RARB: variants seen among roughly 807,000 people sequenced by gnomAD.
RARB encodes retinoic acid receptor beta.
In RARB, 17 loss-of-function variants were observed where a neutral mutation model predicts 51.9. That is an observed-to-expected ratio of 0.33 (90% CI 0.22 to 0.49). The LOEUF (loss-of-function observed/expected upper bound fraction) is 0.49, where lower values mean the gene tolerates loss of function less well. Ranked by LOEUF, RARB falls within the 20% of genes least tolerant of loss-of-function variation. RARB has a pLI of 0.99. For missense variants in RARB, 369 were observed against 550.8 expected, an observed-to-expected ratio of 0.67 and a Z score of 3.30; for synonymous variants, 215 against 195.4, an observed-to-expected ratio of 1.10 and a Z score of -0.84.
chr3:25,229,426 C>G (rs573776146), intron 5 of RARB, among the ~76,000 whole-genome samples: 1 of 152,042 alleles, frequency 6.6e-6, no homozygotes, highest in South Asian at 2.1e-4. Context: ...CTCAAATTGA[C>G]GGTAGGCAGT....
At chr3:25,303,904 A>G (rs192860049) in intron 5 of RARB, among the ~76,000 whole-genome samples, 2 of 152,278 alleles carry the variant, frequency 1.3e-5, no homozygotes, top group East Asian at 3.9e-4. Context: ...CACAGGTTTA[A>G]TGAGGCTTGT....
chr3:25,227,527 C>T (rs369050907), intron 5 of RARB, among the ~76,000 whole-genome samples: 14 of 152,038 alleles, frequency 9.2e-5, no homozygotes, highest in East Asian at 7.7e-4. Flanking sequence ...TATATTGGTA[C>T]ATAAAATTCC....
At chr3:25,529,391 T>A (rs1698798895) in intron 3 of RARB, among the ~76,000 whole-genome samples, 1 of 151,684 alleles carries the variant, frequency 6.6e-6, no homozygotes, top group South Asian at 2.1e-4. Flanking sequence ...AAAACATGGA[T>A]GAGGCTTAGG....
At chr3:25,307,246 G>T (rs538243598) in intron 5 of RARB, among the ~76,000 whole-genome samples, 1 of 152,068 alleles carries the variant, frequency 6.6e-6, no homozygotes, top group Admixed American at 6.6e-5. Context: ...AATTAGCCGG[G>T]TGTGGTGGTG....
At chr3:25,062,832 T>C (rs905281793) in intron 3 of RARB, among the ~76,000 whole-genome samples, 3 of 151,976 alleles carry the variant, frequency 2.0e-5, no homozygotes, top group African/African-American at 4.8e-5. Context: ...TAAAATGTTA[T>C]CAAATTAGAC....
chr3:25,395,674 A>G (rs965093258), intron 5 of RARB, among the ~76,000 whole-genome samples: 28 of 152,122 alleles, frequency 1.8e-4, no homozygotes, highest in Non-Finnish European at 2.5e-4. Context: ...TCTTTCTTCT[A>G]CTTGTTCAAC....
chr3:25,467,060 C>A (rs1695465166), intron 2 of RARB, among the ~76,000 whole-genome samples: 1 of 152,194 alleles, frequency 6.6e-6, no homozygotes, highest in Admixed American at 6.5e-5. Flanking sequence ...GGCTCTGTGG[C>A]TTAGAAGCTT....
chr3:25,073,403 G>T (rs1196849612), intron 3 of RARB, among the ~76,000 whole-genome samples: 1 of 152,146 alleles, frequency 6.6e-6, no homozygotes, highest in Non-Finnish European at 1.5e-5. Context: ...GTTGTCCCAA[G>T]GATGCACCTC....
chr3:24,958,282 T>G (rs1309927129), intron 2 of RARB, among the ~76,000 whole-genome samples: 3 of 142,320 alleles, frequency 2.1e-5, no homozygotes, highest in Non-Finnish European at 4.5e-5. Context: ...TTTTTTTTTT[T>G]TTTTTTTAGC....
At chr3:25,345,824 T>C (rs1403724934) in intron 5 of RARB, 1 of 770,754 alleles carries the variant, frequency 1.3e-6, no homozygotes, top group Non-Finnish European at 1.6e-6. Context: ...TATCAGTTAA[T>C]TTTTGCTACC....
At chr3:25,040,997 C>A (rs535200989) in intron 2 of RARB, among the ~76,000 whole-genome samples, 1 of 152,100 alleles carries the variant, frequency 6.6e-6, no homozygotes, top group African/African-American at 2.4e-5. Flanking sequence ...GGAAATCCAC[C>A]ACAGTCTCTG....
chr3:25,102,928 G>GTAA (rs1357759655), intron 3 of RARB, among the ~76,000 whole-genome samples: 7 of 152,138 alleles, frequency 4.6e-5, no homozygotes, highest in African/African-American at 1.7e-4. Flanking sequence ...ATGCATGCCT[G>GTAA]TAATCCCAGC....
At position 25,029,071 on chromosome 3, in the gene RARB, T is replaced by C. The variant is rs537576831; in HGVS notation, c.-379-31054T>C. ...GGAGCTTACCCTCAGACAGGCTTCC[T>C]GGCAAAATCCTGGCTGCCATATGCA... On this transcript the variant is annotated intron_variant, in intron 2 of 11. Transcript: ENST00000383772. Among the ~76,000 whole-genome samples the C allele has an allele frequency of 2.6e-5, 4 of 152,338 alleles. No individual in the cohort carries two copies. The South Asian group carries it at 6.2e-4, about 24-fold the overall frequency.
chr3:25,011,702 T>C (rs1697397626), intron 2 of RARB, among the ~76,000 whole-genome samples: 1 of 152,134 alleles, frequency 6.6e-6, no homozygotes, highest in Non-Finnish European at 1.5e-5. Context: ...ATACCTACTC[T>C]GGCAATTACT....
chr3:25,362,456 T>G (rs532509229), intron 5 of RARB, among the ~76,000 whole-genome samples: 1 of 152,302 alleles, frequency 6.6e-6, no homozygotes, highest in Admixed American at 6.5e-5. Flanking sequence ...GCTCCCTGGC[T>G]TCAGCCCCCT....
intron 5 of RARB, among the ~76,000 whole-genome samples, chr3:25,255,354 C>G (rs1425190345): frequency 6.6e-6 from 1 of 152,140 alleles, no homozygotes; most frequent in Non-Finnish European, 1.5e-5. Context: ...AAAACAATTT[C>G]CCTCATACCT....
In RARB at chr3:24,838,185, C is replaced by A. The variant is rs186381849; in HGVS notation, c.-459+8782C>A. Among the ~76,000 whole-genome samples, 56 of 152,286 alleles carry A rather than the reference C, an allele frequency of 3.7e-4. No homozygotes were observed. In the East Asian group the frequency reaches 9.3e-3, roughly 25 times the overall value. ...TTCTTCAAAGTCAGCAACAGTGAGTCCTTGTACTTCCAATTTCTCTGACTT... is the reference window on the plus strand; with the variant it reads ...TTCTTCAAAGTCAGCAACAGTGAGTACTTGTACTTCCAATTTCTCTGACTT... On this transcript the variant is annotated intron_variant, in intron 1 of 11. Transcript: ENST00000383772.
intron 1 of RARB, chr3:25,441,087 TC>T (rs1289432075): frequency 1.0e-3 from 8 of 7,712 alleles, no homozygotes; most frequent in African/African-American, 1.9e-3. Context: ...AAATTTTTTT[TC>T]GGGGGGGTGG....
At chr3:25,253,702 G>C (rs1415796598) in intron 5 of RARB, among the ~76,000 whole-genome samples, 2 of 152,246 alleles carry the variant, frequency 1.3e-5, no homozygotes, top group Non-Finnish European at 2.9e-5. Context: ...AAAAGCTATA[G>C]CTCACCACAA....
Sources: gnomAD v4.1 joint callset for allele counts (sites outside exome capture counted in the v4.1 genomes callset) on GRCh38, gnomAD v4.1.1 for gene constraint, MANE v1.5 for transcripts, NCBI Gene and HGNC (gene_info 2026-07-23, HGNC 2026-07-21) for gene names.